The following GPR89B variants were observed in gnomAD, a reference collection of about 807,000 sequenced individuals.
The protein encoded by GPR89B is G protein-coupled receptor 89B.
In GPR89B, 25 loss-of-function variants were observed where a neutral mutation model predicts 52.4. The observed-to-expected ratio is 0.48, with a 90% confidence interval of 0.35 to 0.67. The LOEUF is 0.67. Ranked by LOEUF, GPR89B falls within the 30% of genes least tolerant of loss-of-function variation. The probability of loss-of-function intolerance (pLI) is 0.01; values close to 1 mark genes in which losing one functional copy is unlikely to be tolerated. For missense variants in GPR89B, 146 were observed against 450.2 expected (o/e 0.32, Z 6.11); for synonymous variants, 52 against 151.2 (o/e 0.34, Z 4.81).
At chr1:147,950,509 G>A (rs1370572956) in intron 5 of GPR89B, among the ~76,000 whole-genome samples, 9 of 152,026 alleles carry the variant, frequency 5.9e-5, no homozygotes, top group African/African-American at 9.7e-5. Flanking sequence ...AGGCAGAGAC[G>A]CTCCTCACTT....
chr1:147,949,141 A>G (rs1371108877), intron 5 of GPR89B, among the ~76,000 whole-genome samples: 5 of 152,074 alleles, frequency 3.3e-5, no homozygotes, highest in African/African-American at 9.7e-5. Context: ...ACAAAATGAA[A>G]AGTCTCCCGG....
chr1:147,948,284 G>C (rs1655179192), intron 5 of GPR89B, among the ~76,000 whole-genome samples: 1 of 151,996 alleles, frequency 6.6e-6, no homozygotes, highest in Non-Finnish European at 1.5e-5. Context: ...GAAAGACCTT[G>C]GTGTATTCAA....
chr1:148,017,242 C>A, the GPR89B span, among the ~76,000 whole-genome samples: 11 of 151,420 alleles, frequency 7.3e-5, no homozygotes, highest in African/African-American at 2.4e-4. Flanking sequence ...AGGGGTTTCA[C>A]CGTATTAGCC....
chr1:148,010,858 T>C, the GPR89B span: 3 of 152,306 alleles, frequency 2.0e-5, no homozygotes, highest in Non-Finnish European at 4.4e-5. Flanking sequence ...AAATCTGGTA[T>C]GTTGATTTAA....
chr1:147,943,532 A>C lies in GPR89B; in HGVS notation c.301A>C (p.Asn101His), dbSNP rs1654721765. The C allele has an allele frequency of 6.2e-7, 1 of 1,613,204 alleles. No homozygotes were observed. Among genetic ancestry groups the C allele is most frequent in the South Asian group, 1.1e-5 (1 of 91,040 alleles). Reference protein sequence around the residue: ...PFYIGYFIVSNIRLLHKQRLL... With the variant: ...PFYIGYFIVSHIRLLHKQRLL... ...TTACATTGGCTATTTTATTGTGAGC[A>C]ATATCCGACTACGTAAGTATTTTAC... The change falls in exon 4 of 14, where the codon AAT (asparagine) becomes CAT (histidine). Residue 101 changes from asparagine to histidine, a missense_variant. Transcript: ENST00000314163.
the GPR89B span, among the ~76,000 whole-genome samples, chr1:148,025,523 C>CAAAAAAAA: frequency 1.0e-4 from 3 of 29,686 alleles, no homozygotes; most frequent in Non-Finnish European, 1.4e-4. Context: ...AACTCTGTCT[C>CAAAAAAAA]AAAAAAAAAA....
chr1:147,977,399 C>T (rs1333997804), intron 10 of GPR89B, among the ~76,000 whole-genome samples: 12 of 151,448 alleles, frequency 7.9e-5, no homozygotes, highest in Non-Finnish European at 1.6e-4. Flanking sequence ...TCCTTCATTT[C>T]GACCTTGGAG....
chr1:148,014,049 G>A, the GPR89B span, among the ~76,000 whole-genome samples: 2 of 151,148 alleles, frequency 1.3e-5, no homozygotes, highest in African/African-American at 2.5e-5. Context: ...CGGTAGGAAA[G>A]CGACGTCTCC....
chr1:147,999,948 A>G, the GPR89B span, among the ~76,000 whole-genome samples: 1 of 152,220 alleles, frequency 6.6e-6, no homozygotes, highest in Admixed American at 6.5e-5. Context: ...AATTCCAAGT[A>G]TGGTCTGACC....
At chr1:148,015,625 T>TTG in the GPR89B span, among the ~76,000 whole-genome samples, 2 of 128,772 alleles carry the variant, frequency 1.6e-5, no homozygotes, top group Non-Finnish European at 3.3e-5. Flanking sequence ...TCTCTCTATT[T>TTG]TGTTTGTTTG....
chr1:148,013,137 G>GAGTA, the GPR89B span, among the ~76,000 whole-genome samples: 1 of 152,080 alleles, frequency 6.6e-6, no homozygotes, highest in East Asian at 1.9e-4. Context: ...CTAAGGAAAT[G>GAGTA]AGTAACTTGG....
chr1:148,000,793 A>C, the GPR89B span, among the ~76,000 whole-genome samples: 1,298 of 138,118 alleles, frequency 9.4e-3, 5 homozygotes, highest in Non-Finnish European at 0.011. Flanking sequence ...AAAAAAAAAA[A>C]AACAACAACA....
intron 12 of GPR89B, among the ~76,000 whole-genome samples, chr1:147,991,687 T>A (rs1321793584): frequency 6.6e-6 from 1 of 152,224 alleles, no homozygotes; most frequent in Admixed American, 6.5e-5. Flanking sequence ...AGGCCTTTTC[T>A]GCATCTATTG....
chr1:147,961,171 ACT>A lies in GPR89B; in HGVS notation c.618-5380_618-5379del, dbSNP rs1161717936. On this transcript the variant is annotated intron_variant, in intron 7 of 13. Coordinates refer to ENST00000314163, the MANE Select transcript of GPR89B (RefSeq NM_016334.5). ...ACCCCACCCCAGGTGACAGAGCGAG[ACT>A]CTGTCTCAAAAAGAAGAAAAAAATA... 4.5e-3 allele frequency among the ~76,000 whole-genome samples: 677 copies of A among 151,542 alleles called. 4 individuals are homozygous for A. Among genetic ancestry groups the A allele is most frequent in the Non-Finnish European group, 7.9e-3 (535 of 67,894 alleles).
intron 10 of GPR89B, among the ~76,000 whole-genome samples, chr1:147,982,757 T>C (rs1288312476): frequency 6.7e-6 from 1 of 148,294 alleles, no homozygotes; most frequent in African/African-American, 2.5e-5. Flanking sequence ...ATTTTCATGA[T>C]ATTGATTCTT....
rs587617693 is a variant in GPR89B, at chr1:147,939,638, G to A, written c.206+821G>A. On this transcript the variant is annotated intron_variant, in intron 3 of 13. Coordinates refer to ENST00000314163, the MANE Select transcript of GPR89B (RefSeq NM_016334.5). ...TCCTTTGATAATCAGAGTTGAAAACGAAATTTAAATTAAAAAGAAAAACTT... is the reference window on the plus strand; with the variant it reads ...TCCTTTGATAATCAGAGTTGAAAACAAAATTTAAATTAAAAAGAAAAACTT... 4.7e-4 allele frequency among the ~76,000 whole-genome samples: 72 copies of A among 152,022 alleles called. No homozygotes were observed. The South Asian group carries it at 0.013, about 27-fold the overall frequency.
At chr1:148,021,510 A>G in the GPR89B span, among the ~76,000 whole-genome samples, 1 of 151,538 alleles carries the variant, frequency 6.6e-6, no homozygotes, top group Non-Finnish European at 1.5e-5. Flanking sequence ...AAAGGAGAGA[A>G]GCTGTGGGGT....
At chr1:148,002,843 A>G in the GPR89B span, among the ~76,000 whole-genome samples, 10 of 152,296 alleles carry the variant, frequency 6.6e-5, no homozygotes, top group East Asian at 1.7e-3. Flanking sequence ...CCTTCCTGGA[A>G]TGATCTTCCT....
chr1:148,017,746 T>TAAATAAAATA, the GPR89B span, among the ~76,000 whole-genome samples: 41,868 of 143,096 alleles, frequency 0.29, 7,281 homozygotes, highest in South Asian at 0.4. Flanking sequence ...TCAAAATAAA[T>TAAATAAAATA]AAATAAAATA....
Sources: gnomAD v4.1 joint callset for allele counts (sites outside exome capture counted in the v4.1 genomes callset) on GRCh38, gnomAD v4.1.1 for gene constraint, MANE v1.5 for transcripts, NCBI Gene and HGNC (gene_info 2026-07-23, HGNC 2026-07-21) for gene names.